Variants in MAPK10 observed in about 807,000 individuals in gnomAD.
The protein encoded by MAPK10 is mitogen-activated protein kinase 10.
Under a neutral mutation model 59.3 loss-of-function variants are expected in MAPK10, and 25 were observed. That is an observed-to-expected ratio of 0.42 (90% CI 0.31 to 0.59). The LOEUF (loss-of-function observed/expected upper bound fraction) is 0.59. MAPK10 is among the 20% of genes least tolerant of loss of function. MAPK10 has a pLI of 0.15. For synonymous variants in MAPK10, 190 were observed against 200.5 expected (o/e 0.95, Z 0.44); for missense variants, 351 against 568.9 (o/e 0.62, Z 3.90).
chr4:86,580,966 C>A (rs911383693), intron 1 of MAPK10, among the ~76,000 whole-genome samples: 19 of 152,294 alleles, frequency 1.2e-4, no homozygotes, highest in African/African-American at 4.6e-4. Context: ...TGTGGCCCTT[C>A]CAAGATTCTC....
chr4:86,490,641 C>T (rs1296915490), intron 1 of MAPK10, among the ~76,000 whole-genome samples: 3 of 152,252 alleles, frequency 2.0e-5, no homozygotes, highest in African/African-American at 7.2e-5. Context: ...AGCTTCTGCA[C>T]ACCAAGCCAG....
chr4:86,142,357 G>A (rs151178024), intron 4 of MAPK10, among the ~76,000 whole-genome samples: 177 of 152,276 alleles, frequency 1.2e-3, no homozygotes, highest in African/African-American at 4.2e-3. Context: ...GACTGCCAGA[G>A]AGACACATGT....
At chr4:86,528,919 A>G (rs1275491538) in intron 1 of MAPK10, among the ~76,000 whole-genome samples, 2 of 152,144 alleles carry the variant, frequency 1.3e-5, no homozygotes, top group Admixed American at 1.3e-4. Context: ...TACCCAGAAG[A>G]GGTTAGACCT....
At chr4:86,375,194 A>T (rs1313444108) in intron 1 of MAPK10, among the ~76,000 whole-genome samples, 1 of 152,234 alleles carries the variant, frequency 6.6e-6, no homozygotes, top group African/African-American at 2.4e-5. Flanking sequence ...ACACACACAC[A>T]TACACACACA....
intron 1 of MAPK10, among the ~76,000 whole-genome samples, chr4:86,496,704 A>G (rs1030173281): frequency 2.0e-5 from 3 of 152,218 alleles, no homozygotes; most frequent in Non-Finnish European, 4.4e-5. Context: ...AAAGCAATAA[A>G]CTATAAAACA....
At chr4:86,425,909 C>T (rs1053005517) in intron 1 of MAPK10, among the ~76,000 whole-genome samples, 36 of 152,100 alleles carry the variant, frequency 2.4e-4, no homozygotes, top group African/African-American at 7.5e-4. Context: ...AGGCAGAGGT[C>T]GCAGTGAGCC....
intron 2 of MAPK10, among the ~76,000 whole-genome samples, chr4:86,295,674 T>C (rs919001393): frequency 1.9e-4 from 28 of 150,120 alleles, no homozygotes; most frequent in Non-Finnish European, 3.4e-4. Context: ...AAAAATATGT[T>C]ATAGCTTTTA....
intron 9 of MAPK10, among the ~76,000 whole-genome samples, chr4:86,071,217 T>A (rs943240615): frequency 2.6e-5 from 4 of 152,228 alleles, no homozygotes; most frequent in Non-Finnish European, 5.9e-5. Flanking sequence ...TTGATGACCT[T>A]CGCCCACTTT....
intron 1 of MAPK10, among the ~76,000 whole-genome samples, chr4:86,552,849 GCT>G (rs1759962785): frequency 6.6e-6 from 1 of 152,128 alleles, no homozygotes; most frequent in South Asian, 2.1e-4. Context: ...GGTTTCCTAT[GCT>G]CAGGGTCCCT....
chr4:86,460,523 A>G (rs1751632068), intron 1 of MAPK10, among the ~76,000 whole-genome samples: 2 of 152,244 alleles, frequency 1.3e-5, no homozygotes, highest in South Asian at 2.1e-4. Context: ...CAATAGTGTA[A>G]TGCTGGGAAC....
At chr4:86,488,752 C>T (rs1178771630) in intron 1 of MAPK10, among the ~76,000 whole-genome samples, 1 of 152,130 alleles carries the variant, frequency 6.6e-6, no homozygotes, top group African/African-American at 2.4e-5. Context: ...CCCACCCTTC[C>T]CCATTTCTGC....
rs149393802 is a variant in MAPK10, at chr4:86,477,953, G to C, written c.-263+115957C>G. On this transcript the variant is annotated intron_variant, in intron 1 of 4. Coordinates refer to the MAPK10 transcript ENST00000502302. ...ATTACCTGGGCTGTACTGCCGCAAG[G>C]CTTCACGGACAGCCTCCATTACTTC... Among the ~76,000 whole-genome samples, 842 of 152,206 alleles carry C rather than the reference G, an allele frequency of 5.5e-3. 10 individuals carry two copies. The highest frequency in any genetic ancestry group is 0.019 in the African/African-American group (803 of 41,512).
At chr4:86,465,344 T>C (rs1193986998) in intron 1 of MAPK10, among the ~76,000 whole-genome samples, 1 of 152,232 alleles carries the variant, frequency 6.6e-6, no homozygotes, top group Non-Finnish European at 1.5e-5. Context: ...CATTTTTCTC[T>C]GTATAGAATA....
intron 1 of MAPK10, among the ~76,000 whole-genome samples, chr4:86,426,720 G>A (rs1188323931): frequency 1.3e-5 from 2 of 152,052 alleles, no homozygotes; most frequent in Admixed American, 6.6e-5. Flanking sequence ...CCTACGTCCT[G>A]GAATCGGATA....
intron 1 of MAPK10, among the ~76,000 whole-genome samples, chr4:86,491,064 TG>T (rs1320491013): frequency 6.6e-6 from 1 of 152,184 alleles, no homozygotes; most frequent in African/African-American, 2.4e-5. Context: ...TGATCTACTG[TG>T]GGCAAAAGTC....
At chr4:86,499,880 T>C (rs1203500053) in intron 1 of MAPK10, among the ~76,000 whole-genome samples, 5 of 152,178 alleles carry the variant, frequency 3.3e-5, no homozygotes, top group African/African-American at 1.2e-4. Flanking sequence ...AAGACATATA[T>C]GATGTCTGTC....
chr4:86,235,155 G>A (rs2092079732), intron 2 of MAPK10, among the ~76,000 whole-genome samples: 1 of 152,170 alleles, frequency 6.6e-6, no homozygotes, highest in Admixed American at 6.6e-5. Context: ...ACACTGAGGT[G>A]AACTAAGGAA....
intron 1 of MAPK10, among the ~76,000 whole-genome samples, chr4:86,472,153 A>G (rs2149066396): frequency 6.6e-6 from 1 of 152,340 alleles, no homozygotes; most frequent in East Asian, 1.9e-4. Flanking sequence ...TGTTTGAAAA[A>G]TAAAACATTG....
rs577695181 is a variant in MAPK10, at chr4:86,017,728, T to C, written c.1253-358A>G. Among the ~76,000 whole-genome samples the C allele has an allele frequency of 5.8e-4, 88 of 152,312 alleles. No individual in the cohort carries two copies. The highest frequency in any genetic ancestry group is 2.1e-3 in the African/African-American group (86 of 41,572). On this transcript the variant is annotated intron_variant, in intron 13 of 13. Transcript: ENST00000641462. The surrounding 1 kb of genome is among the most constrained non-coding windows in gnomAD (Gnocchi z 4.4). ...AGGCCAAGGTATTTGCATTTTTATT[T>C]ATTTATTTTTTTTGAGATGGAGTCT...
Sources: allele counts gnomAD v4.1 joint callset (sites outside exome capture counted in the v4.1 genomes callset), GRCh38; gene constraint gnomAD v4.1.1; non-coding constraint Gnocchi (gnomAD v3.1); transcripts MANE v1.5; gene names NCBI Gene and HGNC (gene_info 2026-07-23, HGNC 2026-07-21).